MMP27: variants seen among roughly 807,000 people sequenced by gnomAD.
The protein encoded by MMP27 is matrix metalloproteinase-27.
In MMP27, 51 loss-of-function variants were observed where a neutral mutation model predicts 48.1. That is an observed-to-expected ratio of 1.06 (90% CI 0.85 to 1.34). The LOEUF is 1.34. MMP27 is among the 40% of genes most tolerant of loss of function. MMP27 has a pLI of 0.00. For synonymous variants in MMP27, 229 were observed against 208.9 expected (o/e 1.10, Z -0.83); for missense variants, 698 against 619.3 (o/e 1.13, Z -1.35).
chr11:102,704,560 C>T lies in MMP27; in HGVS notation c.318G>A (p.Trp106Ter). The change falls in exon 2 of 10, where the codon TGG becomes TGA. Residue 106 changes from tryptophan to a stop codon, truncating the protein, a stop_gained. Transcript: ENST00000260229. LOFTEE classifies it high-confidence loss of function. ...ACCTGTAGGTGAGGTTGTATTTTCTCCACCCAGGGAGGGTGTAGCCATACT... is the reference window on the plus strand; with the variant it reads ...ACCTGTAGGTGAGGTTGTATTTTCTTCACCCAGGGAGGGTGTAGCCATACT... ...VGQYGYTLPG[W>*]RKYNLTYRII... 1.2e-6 allele frequency: 2 copies of T among 1,613,496 alleles called. No homozygotes were observed. Among genetic ancestry groups the T allele is most frequent in the African/African-American group, 1.3e-5 (1 of 75,012 alleles).
Position 102,703,114 on chromosome 11 carries a change from T to C in MMP27, c.346A>G (p.Ile116Val), listed in dbSNP as rs747243049. 8 of 1,609,564 alleles carry C rather than the reference T, an allele frequency of 5.0e-6. No homozygotes were observed. The African/African-American group carries it at 8.0e-5, about 16-fold the overall frequency. The change falls in exon 3 of 10, where the codon ATA (isoleucine) becomes GTA (valine). Residue 116 changes from isoleucine to valine, a missense_variant. Transcript: ENST00000260229. ...CGTGCCATATCCGGAGTATAGTTTATTATTCTTAAAAATTAACAAAAATAT... is the reference window on the plus strand; with the variant it reads ...CGTGCCATATCCGGAGTATAGTTTACTATTCTTAAAAATTAACAAAAATAT... ...WRKYNLTYRI[I>V]NYTPDMARAA...
At chr11:102,703,262 CT>C in intron 2 of MMP27, 144 bp from the exon 3 acceptor site, 5 of 695,224 alleles carry the variant, frequency 7.2e-6, no homozygotes, top group Non-Finnish European at 1.2e-5. Context: ...TGCATTAGCA[CT>C]TTATTTAAAT....
intron 6 of MMP27, among the ~76,000 whole-genome samples, chr11:102,695,303 A>G (rs1019800807): frequency 3.9e-5 from 6 of 152,068 alleles, no homozygotes; most frequent in African/African-American, 1.2e-4. Flanking sequence ...CTTTGTGCCC[A>G]CTCTTGGATC....
intron 1 of MMP27, 33 bp from the exon 2 acceptor site, chr11:102,704,808 G>A: frequency 7.2e-7 from 1 of 1,385,914 alleles, no homozygotes; most frequent in Non-Finnish European, 1.0e-6. Flanking sequence ...AAAAAAAGAG[G>A]CACAGACTAC....
Position 102,705,739 on chromosome 11 carries a change from G to C in MMP27, c.-25C>G. The stretch of plus-strand genomic sequence containing the variant: ...TTCCTCTCTTTCTTCAGCTGAAGCC[G>C]GTTCTGTTAGCACAGAATTTAGAAA... On this transcript the variant is annotated 5_prime_UTR_variant, in exon 1 of 10. Transcript: ENST00000260229. 6.6e-7 allele frequency: 1 copy of C among 1,504,568 alleles called. No individual in the cohort carries two copies. 93.2% of individuals were successfully genotyped at this position (1,504,568 alleles called of 1,614,324 possible).
intron 4 of MMP27, among the ~76,000 whole-genome samples, chr11:102,697,152 T>C (rs772053234): frequency 6.6e-6 from 1 of 152,218 alleles, no homozygotes; most frequent in Non-Finnish European, 1.5e-5. Context: ...AAACCTGTAT[T>C]GCACGTTACT....
rs553456217 is a variant in MMP27 at position 102,704,711 on chromosome 11, C to T, written c.167G>A (p.Arg56Lys). 69 of 1,613,756 alleles carry T rather than the reference C, an allele frequency of 4.3e-5. 1 individual carries two copies. In the East Asian group the frequency reaches 6.9e-4, roughly 16 times the overall value. ...EGNHLVQSKN[R>K]SLIDDKIREM... Reference sequence around the variant, plus strand: ...CCGAATTTTGTCATCTATGAGACTCCTATTCTTGCTTTGAACAAGATGATT... The same window carrying T: ...CCGAATTTTGTCATCTATGAGACTCTTATTCTTGCTTTGAACAAGATGATT... The change falls in exon 2 of 10, where the codon AGG becomes AAG. Residue 56 changes from arginine to lysine, a missense_variant. Physicochemically the swap from Arg to Lys is conservative, Grantham distance 26 (BLOSUM62 2). Transcript: ENST00000260229.
At chr11:102,692,514 T>G (rs1860743943) in intron 9 of MMP27, among the ~76,000 whole-genome samples, 2 of 152,260 alleles carry the variant, frequency 1.3e-5, no homozygotes, top group Non-Finnish European at 2.9e-5. Context: ...TTCATTACAT[T>G]GCCTGAGGTT....
intron 2 of MMP27, among the ~76,000 whole-genome samples, chr11:102,703,347 C>A (rs905955567): frequency 6.6e-6 from 1 of 152,054 alleles, no homozygotes; most frequent in Non-Finnish European, 1.5e-5. Context: ...AACACTTCAA[C>A]AAAGGAGGCT....
At chr11:102,703,219 A>T (rs1860979963) in intron 2 of MMP27, 101 bp from the exon 3 acceptor site, 1 of 1,128,186 alleles carries the variant, frequency 8.9e-7, no homozygotes. Flanking sequence ...AATGTGCTGC[A>T]GTAACTTTGG....
At position 102,693,042 on chromosome 11, in the gene MMP27, C is replaced by T; in HGVS notation, c.1194-1G>A. The T allele has an allele frequency of 6.2e-7, 1 of 1,610,544 alleles. No individual in the cohort carries two copies. Among genetic ancestry groups the T allele is most frequent in the Admixed American group, 1.7e-5 (1 of 59,890 alleles). On this transcript the variant is annotated splice_acceptor_variant, in intron 8 of 9. Coordinates refer to ENST00000260229, the MANE Select transcript of MMP27 (RefSeq NM_022122.3). LOFTEE classifies it high-confidence loss of function. ...CATGGTTTGGGTCATTTCATCAAAC[C>T]TGCATACAAGAATATGAAAGGATAC... is the stretch of plus-strand genomic sequence containing the variant.
chr11:102,696,633 C>A, intron 5 of MMP27, 41 bp downstream of exon 5: 2 of 1,573,944 alleles, frequency 1.3e-6, no homozygotes, highest in Non-Finnish European at 1.7e-6. Flanking sequence ...GAAAAGCTTC[C>A]TATTTAGTTC....
In MMP27 at chr11:102,705,679, T is replaced by G; in HGVS notation, c.36A>C (p.Ile12=). The change falls in exon 1 of 10, where the codon ATA becomes ATC. Residue 12 remains isoleucine (I), a synonymous_variant. Transcript: ENST00000260229. Reference sequence around the variant, plus strand: ...CTAAGGGAAATGCAGAAGAAAATGTTATAAAGAACAAAAACAGAAGCAGAA... The same window carrying G: ...CTAAGGGAAATGCAGAAGAAAATGTGATAAAGAACAAAAACAGAAGCAGAA... ...KRLLLLFLFF[I]TFSSAFPLVR... The G allele has an allele frequency of 6.2e-7, 1 of 1,607,250 alleles. No individual in the cohort carries two copies. Among genetic ancestry groups the G allele is most frequent in the Non-Finnish European group, 8.5e-7 (1 of 1,177,876 alleles).
intron 8 of MMP27, 125 bp downstream of exon 8, chr11:102,693,781 T>C (rs1474864040): frequency 1.2e-6 from 1 of 802,212 alleles, no homozygotes; most frequent in Non-Finnish European, 1.8e-6. Flanking sequence ...CAAGACTCCA[T>C]CTCAAAAAAA....
chr11:102,691,851 C>T lies in MMP27; in HGVS notation c.1457G>A (p.Gly486Asp). Residue 486 changes from glycine to aspartate, a missense_variant, in exon 10 of 10, where the codon GGC becomes GAC. Physicochemically the swap from Gly to Asp is moderately conservative, Grantham distance 94. Coordinates refer to ENST00000260229, the MANE Select transcript of MMP27 (RefSeq NM_022122.3). Reference protein sequence around the residue: ...DINKEKAHSGGIKILYHKSLS... With the variant: ...DINKEKAHSGDIKILYHKSLS... Reference sequence around the variant, plus strand: ...ACTCTTATGATACAATATCTTTATGCCTCCTGAATGTGCTTTTTCCTTGTT... The same window carrying T: ...ACTCTTATGATACAATATCTTTATGTCTCCTGAATGTGCTTTTTCCTTGTT... 1 of 1,613,150 alleles carries T rather than the reference C, an allele frequency of 6.2e-7. No individual in the cohort carries two copies. Among genetic ancestry groups the T allele is most frequent in the South Asian group, 1.1e-5 (1 of 91,012 alleles).
intron 4 of MMP27, among the ~76,000 whole-genome samples, chr11:102,701,799 G>A (rs979122389): frequency 6.6e-6 from 1 of 152,210 alleles, no homozygotes; most frequent in Non-Finnish European, 1.5e-5. Flanking sequence ...ACTGAGCAGT[G>A]AGTGGCCATG....
At position 102,704,694 on chromosome 11, in the gene MMP27, T is replaced by A; in HGVS notation, c.184A>T (p.Lys62Ter). ...QSKNRSLIDD[K>*]IREMQAFFGL... is the part of the protein sequence containing the mutation. ...AAAAATGCTTGCATTTCCCGAATTT[T>A]GTCATCTATGAGACTCCTATTCTTG... is the stretch of plus-strand genomic sequence containing the variant. Residue 62 changes from lysine to a stop codon, truncating the protein, a stop_gained, in exon 2 of 10, where the codon AAA (lysine) becomes TAA (stop). Coordinates refer to ENST00000260229, the MANE Select transcript of MMP27 (RefSeq NM_022122.3). LOFTEE classifies it high-confidence loss of function. 1 of 1,614,046 alleles carries A rather than the reference T, an allele frequency of 6.2e-7. No individual in the cohort carries two copies. The highest frequency in any genetic ancestry group is 1.1e-5 in the South Asian group (1 of 91,074).
rs878913717 is a variant in MMP27 at position 102,696,349 on chromosome 11, G to A, written c.902+22C>T. 5 of 1,612,098 alleles carry A rather than the reference G, an allele frequency of 3.1e-6. No homozygotes were observed. The South Asian group carries it at 4.4e-5, about 14-fold the overall frequency. Reference sequence around the variant, plus strand: ...AGAAAAATCTTCATAGGAAGTTGAGGTGTTTAGAGAAATGAGTTTACCTGC... The same window carrying A: ...AGAAAAATCTTCATAGGAAGTTGAGATGTTTAGAGAAATGAGTTTACCTGC... On this transcript the variant is annotated intron_variant, in intron 6 of 9. Transcript: ENST00000260229.
At chr11:102,702,295 C>T (rs1344038985) in intron 4 of MMP27, among the ~76,000 whole-genome samples, 8 of 152,184 alleles carry the variant, frequency 5.3e-5, no homozygotes, top group Non-Finnish European at 1.2e-4. Context: ...CCTTTAATTG[C>T]TAACTCAAAA....
Sources: gnomAD v4.1 joint callset for allele counts (sites outside exome capture counted in the v4.1 genomes callset) on GRCh38, gnomAD v4.1.1 for gene constraint, MANE v1.5 for transcripts, NCBI Gene and HGNC (gene_info 2026-07-23, HGNC 2026-07-21) for gene names.